Variants in SNTG2 observed in about 807,000 individuals in gnomAD.
SNTG2 encodes the protein gamma-2-syntrophin.
In SNTG2, 74 loss-of-function variants were observed where a neutral mutation model predicts 70.9. That is an observed-to-expected ratio of 1.04 (90% CI 0.86 to 1.27). The LOEUF (loss-of-function observed/expected upper bound fraction) is 1.27. Among genes scored for constraint, SNTG2 ranks in the 50% most tolerant of loss-of-function variants. SNTG2 has a pLI of 0.00. For missense variants in SNTG2, 717 were observed against 690.7 expected (o/e 1.04, Z -0.43); for synonymous variants, 278 against 273.8 (o/e 1.02, Z -0.15).
intron 1 of SNTG2, among the ~76,000 whole-genome samples, chr2:1,015,031 TAAG>T (rs1239280948): frequency 6.6e-6 from 1 of 152,090 alleles, no homozygotes; most frequent in Non-Finnish European, 1.5e-5. Context: ...ATCTCTGTCC[TAAG>T]AAGGAGTGAA....
At chr2:1,052,118 T>A (rs753641221) in intron 1 of SNTG2, among the ~76,000 whole-genome samples, 10 of 152,248 alleles carry the variant, frequency 6.6e-5, no homozygotes, top group Non-Finnish European at 1.5e-4. Context: ...TCTTGTTAGG[T>A]TCTGGTCTGC....
intron 8 of SNTG2, among the ~76,000 whole-genome samples, chr2:1,193,858 C>CAA (rs1191697422): frequency 1.3e-5 from 2 of 152,246 alleles, no homozygotes; most frequent in Non-Finnish European, 1.5e-5. Flanking sequence ...GAAAACAAAA[C>CAA]AAAACAACTT....
Position 1,172,462 on chromosome 2 carries a change from C to T in SNTG2, c.500-630C>T, listed in dbSNP as rs145221329. 1.6e-4 allele frequency among the ~76,000 whole-genome samples: 24 copies of T among 152,276 alleles called. No individual in the cohort carries two copies. In the East Asian group the frequency reaches 3.1e-3, roughly 20 times the overall value. ...GGAAGGGACAATAAAGGAACAAATACAGCCTTTCTCCCTGAGCTGTTCCCA... is the reference window on the plus strand; with the variant it reads ...GGAAGGGACAATAAAGGAACAAATATAGCCTTTCTCCCTGAGCTGTTCCCA... On this transcript the variant is annotated intron_variant, in intron 7 of 16. Transcript: ENST00000308624.
At chr2:1,166,486 A>G (rs1670714986) in intron 7 of SNTG2, among the ~76,000 whole-genome samples, 3 of 152,000 alleles carry the variant, frequency 2.0e-5, no homozygotes, top group Admixed American at 2.0e-4. Flanking sequence ...TCTTCCATTG[A>G]TGTCCCTATT....
intron 12 of SNTG2, among the ~76,000 whole-genome samples, chr2:1,254,480 T>A (rs1320122002): frequency 1.3e-5 from 2 of 152,184 alleles, no homozygotes; most frequent in African/African-American, 4.8e-5. Flanking sequence ...AATATATCAA[T>A]GATGTAGCAA....
At chr2:993,042 T>G (rs1661553696) in intron 1 of SNTG2, among the ~76,000 whole-genome samples, 1 of 151,024 alleles carries the variant, frequency 6.6e-6, no homozygotes, top group Admixed American at 6.6e-5. Context: ...TACATAGTGT[T>G]GGTCATACAG....
intron 6 of SNTG2, among the ~76,000 whole-genome samples, chr2:1,153,725 T>G (rs1381916042): frequency 6.6e-6 from 1 of 152,220 alleles, no homozygotes; most frequent in African/African-American, 2.4e-5. Flanking sequence ...AGCAGTAAAA[T>G]GCAGGTTATT....
chr2:1,203,503 A>C (rs932255949), intron 8 of SNTG2, among the ~76,000 whole-genome samples: 1 of 151,756 alleles, frequency 6.6e-6, no homozygotes, highest in Non-Finnish European at 1.5e-5. Context: ...ACTTAAAAAA[A>C]AAAAGCCAGG....
intron 13 of SNTG2, among the ~76,000 whole-genome samples, chr2:1,264,642 AT>A (rs1395772926): frequency 6.6e-6 from 1 of 152,232 alleles, no homozygotes; most frequent in East Asian, 1.9e-4. Context: ...TATGGTGTCA[AT>A]AAATACAGTG....
chr2:1,187,898 G>T (rs149893136), intron 8 of SNTG2, among the ~76,000 whole-genome samples: 1 of 152,316 alleles, frequency 6.6e-6, no homozygotes, highest in East Asian at 1.9e-4. Context: ...ATAAAGACTT[G>T]TTCGCACAAA....
intron 1 of SNTG2, among the ~76,000 whole-genome samples, chr2:1,081,981 C>T (rs1441639044): frequency 6.6e-6 from 1 of 152,222 alleles, no homozygotes; most frequent in Non-Finnish European, 1.5e-5. Flanking sequence ...CAGTGGGGCA[C>T]ACACTCTTTT....
chr2:972,233 G>A (rs1165175528), intron 1 of SNTG2, among the ~76,000 whole-genome samples: 2 of 152,150 alleles, frequency 1.3e-5, no homozygotes, highest in African/African-American at 4.8e-5. Context: ...TACTACCAGT[G>A]TGGTGTTAAA....
chr2:1,334,746 G>A (rs753166987), intron 16 of SNTG2, among the ~76,000 whole-genome samples: 2 of 152,082 alleles, frequency 1.3e-5, no homozygotes, highest in Admixed American at 6.6e-5. Context: ...TGATGAGGAC[G>A]CAAAGGCATA....
At chr2:1,101,715 G>A (rs1307693741) in intron 4 of SNTG2, among the ~76,000 whole-genome samples, 1 of 152,216 alleles carries the variant, frequency 6.6e-6, no homozygotes, top group Non-Finnish European at 1.5e-5. Flanking sequence ...AACCAAATGC[G>A]GGGTGATCAG....
intron 1 of SNTG2, among the ~76,000 whole-genome samples, chr2:1,038,873 C>T (rs1661276736): frequency 6.6e-6 from 1 of 152,194 alleles, no homozygotes; most frequent in African/African-American, 2.4e-5. Context: ...GATTTAGATC[C>T]ACTGCCTGTT....
chr2:1,017,392 C>T (rs148429323), intron 1 of SNTG2, among the ~76,000 whole-genome samples: 9 of 152,296 alleles, frequency 5.9e-5, no homozygotes, highest in Admixed American at 2.6e-4. Context: ...CACACATACA[C>T]ATGCAGGCAT....
At chr2:1,175,014 G>GT (rs1671375988) in intron 8 of SNTG2, among the ~76,000 whole-genome samples, 2 of 152,126 alleles carry the variant, frequency 1.3e-5, no homozygotes, top group South Asian at 4.1e-4. Context: ...TGGTTTTGTG[G>GT]TTTTAGGATT....
intron 1 of SNTG2, among the ~76,000 whole-genome samples, chr2:1,065,581 A>T (rs73170838): frequency 0.011 from 1,681 of 152,316 alleles, 32 homozygotes; most frequent in African/African-American, 0.038. Flanking sequence ...TACAGTTTAA[A>T]TATTCAAATT....
chr2:1,247,111 C>A (rs1677475158), intron 11 of SNTG2, among the ~76,000 whole-genome samples: 1 of 152,074 alleles, frequency 6.6e-6, no homozygotes, highest in African/African-American at 2.4e-5. Flanking sequence ...ATATATAAAA[C>A]CTGGTTCAAT....
Sources: allele counts gnomAD v4.1 joint callset (sites outside exome capture counted in the v4.1 genomes callset), GRCh38; gene constraint gnomAD v4.1.1; transcripts MANE v1.5; gene names NCBI Gene and HGNC (gene_info 2026-07-23, HGNC 2026-07-21).